Variants in CAPN7 observed in about 807,000 individuals in gnomAD.
The protein encoded by CAPN7 is calpain 7.
In CAPN7, 72 loss-of-function variants were observed where a neutral mutation model predicts 115.2. The ratio of observed to expected loss-of-function variants is 0.63; its 90% CI spans 0.52 to 0.76. The LOEUF (loss-of-function observed/expected upper bound fraction) is 0.76. CAPN7 is among the 30% of genes least tolerant of loss of function. CAPN7 has a pLI of 0.00. For synonymous variants in CAPN7, 344 were observed against 322.3 expected (o/e 1.07, Z -0.72); for missense variants, 905 against 971.5 (o/e 0.93, Z 0.91).
intron 11 of CAPN7, 51 bp downstream of exon 11, chr3:15,234,024 ACAT>A (rs1401896530): frequency 9.7e-7 from 1 of 1,033,594 alleles, no homozygotes; most frequent in Non-Finnish European, 1.5e-6. Context: ...CCGTTTAAAA[ACAT>A]CATGCTGGCT....
chr3:15,216,266 A>T (rs150056838), intron 2 of CAPN7, among the ~76,000 whole-genome samples: 1 of 152,192 alleles, frequency 6.6e-6, no homozygotes, highest in Non-Finnish European at 1.5e-5. Flanking sequence ...TCAGCAGTGT[A>T]TCTGGGTTCC....
intron 6 of CAPN7, among the ~76,000 whole-genome samples, chr3:15,227,459 G>A (rs1185842789): frequency 6.6e-6 from 1 of 152,200 alleles, no homozygotes; most frequent in East Asian, 1.9e-4. Context: ...GCCAAGTGGA[G>A]TTTGTAAAAA....
chr3:15,221,336 C>T (rs564672685), intron 5 of CAPN7, among the ~76,000 whole-genome samples: 39 of 143,780 alleles, frequency 2.7e-4, no homozygotes, highest in African/African-American at 9.4e-4. Flanking sequence ...TGTGCCACCA[C>T]ATCTGACTAA....
chr3:15,235,738 C>T (rs1159914292), intron 12 of CAPN7, among the ~76,000 whole-genome samples: 3 of 152,164 alleles, frequency 2.0e-5, no homozygotes, highest in African/African-American at 4.8e-5. Context: ...CTGTAATGCT[C>T]ACTTGCCCAC....
chr3:15,243,831 CTA>C (rs973384781), intron 16 of CAPN7, among the ~76,000 whole-genome samples: 4 of 152,104 alleles, frequency 2.6e-5, no homozygotes, highest in African/African-American at 9.7e-5. Context: ...GAAAAGATAA[CTA>C]TTGGGTCCTG....
chr3:15,238,087 G>A (rs1253588178), intron 12 of CAPN7, among the ~76,000 whole-genome samples: 2 of 138,278 alleles, frequency 1.4e-5, no homozygotes, highest in Non-Finnish European at 3.2e-5. Flanking sequence ...ATATTTTGAA[G>A]TGTTTATTTA....
intron 19 of CAPN7, among the ~76,000 whole-genome samples, 161 bp from the exon 20 acceptor site, chr3:15,250,770 A>C (rs1046053386): frequency 2.6e-5 from 4 of 152,112 alleles, no homozygotes; most frequent in African/African-American, 4.8e-5. Context: ...TCAACTGAAA[A>C]ATATAAATGG....
intron 11 of CAPN7, among the ~76,000 whole-genome samples, chr3:15,234,475 TAGTTAC>T (rs1178050997): frequency 2.0e-5 from 3 of 152,188 alleles, no homozygotes; most frequent in African/African-American, 2.4e-5. Context: ...CTTCCCTTAA[TAGTTAC>T]AGTTAATCCA....
chr3:15,249,371 C>T (rs1242858542), intron 19 of CAPN7, among the ~76,000 whole-genome samples: 1 of 152,116 alleles, frequency 6.6e-6, no homozygotes, highest in Non-Finnish European at 1.5e-5. Flanking sequence ...AACTCCTTCA[C>T]ATATTTGTGG....
At chr3:15,225,320 G>C (rs920586245) in intron 6 of CAPN7, among the ~76,000 whole-genome samples, 1 of 152,088 alleles carries the variant, frequency 6.6e-6, no homozygotes, top group South Asian at 2.1e-4. Context: ...TCAAAAATTC[G>C]TACGAAAGCG....
chr3:15,251,976 AT>A lies in CAPN7; in HGVS notation c.*717del. 1 of 152,524 alleles carries A rather than the reference AT, an allele frequency of 6.6e-6. No individual in the cohort carries two copies. The highest frequency in any genetic ancestry group is 2.4e-5 in the African/African-American group (1 of 41,580). 9.4% of individuals were successfully genotyped at this position (152,524 alleles called of 1,614,324 possible). ...TTATTTTTAAAAAACAGTAATTGAG[AT>A]ATTGAAGACATTACAATTTAGTTTG... On this transcript the variant is annotated 3_prime_UTR_variant, in exon 21 of 21. Coordinates refer to ENST00000253693, the MANE Select transcript of CAPN7 (RefSeq NM_014296.3).
Position 15,223,477 on chromosome 3 carries a change from C to G in CAPN7, c.641C>G (p.Thr214Arg). Residue 214 changes from threonine to arginine, a missense_variant and splice_region_variant, in exon 6 of 21, where the codon ACA becomes AGA. Physicochemically the swap from Thr to Arg is moderately conservative, Grantham distance 71 (BLOSUM62 -1). This residue lies in a region of CAPN7 where 14 missense variants were observed against 28.5 expected (regional missense o/e 0.49). Transcript: ENST00000253693. ...GGTTTTTTTCTCGTGTTTGATAGGA[C>G]AACATCAAAAATAAATGGTATAGAA... Reference protein sequence around the residue: ...YTAEEIEVLRTTSKINGIEYV... With the variant: ...YTAEEIEVLRRTSKINGIEYV... The G allele has an allele frequency of 1.9e-6, 3 of 1,597,350 alleles. No homozygotes were observed. The highest frequency in any genetic ancestry group is 1.7e-5 in the Admixed American group (1 of 59,562).
chr3:15,247,235 CTT>C (rs59046014), intron 18 of CAPN7, 90 bp from the exon 19 acceptor site: 5,390 of 728,574 alleles, frequency 7.4e-3, no homozygotes, highest in South Asian at 0.013. Flanking sequence ...GGAAAATTGC[CTT>C]TTTTTTTTTT....
intron 1 of CAPN7, chr3:15,210,818 C>A (rs1034224953): frequency 9.3e-6 from 12 of 1,289,374 alleles, no homozygotes; most frequent in East Asian, 5.6e-5. Flanking sequence ...TGAAACAACT[C>A]CTGCTCAAAC....
chr3:15,232,180 C>A, intron 9 of CAPN7: 1 of 383,624 alleles, frequency 2.6e-6, no homozygotes, highest in South Asian at 2.1e-5. Flanking sequence ...CTTTGAGCAT[C>A]ATGTCAGTGA....
intron 8 of CAPN7, among the ~76,000 whole-genome samples, chr3:15,229,726 T>G (rs1361313864): frequency 6.6e-6 from 1 of 151,918 alleles, no homozygotes; most frequent in Non-Finnish European, 1.5e-5. Context: ...CAGGCAGTTT[T>G]ACCTTTTTAA....
intron 5 of CAPN7, among the ~76,000 whole-genome samples, chr3:15,222,123 A>G (rs919724035): frequency 6.6e-6 from 1 of 151,908 alleles, no homozygotes; most frequent in Non-Finnish European, 1.5e-5. Flanking sequence ...AGCCTAAGCT[A>G]TATACCATAT....
chr3:15,214,099 C>T (rs927219043), intron 2 of CAPN7, among the ~76,000 whole-genome samples: 13 of 152,106 alleles, frequency 8.5e-5, no homozygotes, highest in African/African-American at 2.9e-4. Context: ...CCAGGATGGT[C>T]TCGATCTCCT....
intron 7 of CAPN7, among the ~76,000 whole-genome samples, chr3:15,228,586 A>G (rs995527944): frequency 6.6e-6 from 1 of 152,228 alleles, no homozygotes; most frequent in African/African-American, 2.4e-5. Context: ...GGAGGCCATT[A>G]TCCTTAGCAA....
Sources: allele counts gnomAD v4.1 joint callset (sites outside exome capture counted in the v4.1 genomes callset), GRCh38; gene constraint gnomAD v4.1.1; regional missense constraint gnomAD v4.1.1; transcripts MANE v1.5; gene names NCBI Gene and HGNC (gene_info 2026-07-23, HGNC 2026-07-21).